Variants in GRIA1 observed in about 807,000 individuals in gnomAD.
GRIA1 encodes the protein glutamate receptor 1.
In GRIA1, 31 loss-of-function variants were observed where a neutral mutation model predicts 99.2. The ratio of observed to expected loss-of-function variants is 0.31; its 90% CI spans 0.23 to 0.42. GRIA1 has a LOEUF of 0.42. Ranked by LOEUF, GRIA1 falls within the 10% of genes least tolerant of loss-of-function variation. GRIA1 has a pLI of 1.00. For synonymous variants in GRIA1, 438 were observed against 432.4 expected (o/e 1.01, Z -0.16); for missense variants, 782 against 1,157.5 (o/e 0.68, Z 4.71).
intron 12 of GRIA1, among the ~76,000 whole-genome samples, chr5:153,769,499 T>C (rs1763736275): frequency 6.6e-6 from 1 of 151,940 alleles, no homozygotes; most frequent in Non-Finnish European, 1.5e-5. Flanking sequence ...AGCAAAGTCC[T>C]GAAGGGGAGA....
chr5:153,637,989 T>C (rs1753503938), intron 2 of GRIA1, among the ~76,000 whole-genome samples: 2 of 152,126 alleles, frequency 1.3e-5, no homozygotes. Context: ...AAGGCATAAA[T>C]ACACAAAAAG....
At chr5:153,753,615 C>T (rs1762631655) in intron 11 of GRIA1, among the ~76,000 whole-genome samples, 1 of 151,954 alleles carries the variant, frequency 6.6e-6, no homozygotes, top group Admixed American at 6.6e-5. Context: ...TCCTATTTCT[C>T]CCATCCATTT....
At chr5:153,499,893 C>T (rs548027887) in intron 2 of GRIA1, among the ~76,000 whole-genome samples, 7 of 152,266 alleles carry the variant, frequency 4.6e-5, no homozygotes, top group Admixed American at 3.3e-4. Flanking sequence ...CGCCTCCCCT[C>T]AACCACTGCT....
intron 4 of GRIA1, among the ~76,000 whole-genome samples, chr5:153,655,102 C>T (rs1230845974): frequency 1.3e-5 from 2 of 152,170 alleles, no homozygotes; most frequent in Non-Finnish European, 2.9e-5. Flanking sequence ...ATACTGCCAC[C>T]AGGCTACTAT....
rs1244854271 is a variant in GRIA1, at chr5:153,606,526, GAGCAT to G, written c.221-40399_221-40395del. On this transcript the variant is annotated intron_variant, in intron 2 of 15. Transcript: ENST00000285900. Reference sequence around the variant, plus strand: ...TACAATATTGAGTCTTCAAATCCCAGAGCATAGTATATTGCTTCAATTATTAAGAT... The same window carrying G: ...TACAATATTGAGTCTTCAAATCCCAGAGTATATTGCTTCAATTATTAAGAT... Among the ~76,000 whole-genome samples the G allele has an allele frequency of 3.9e-5, 6 of 152,094 alleles. No individual in the cohort carries two copies. The East Asian group carries it at 1.2e-3, about 29-fold the overall frequency.
chr5:153,626,520 C>T (rs1205202400), intron 2 of GRIA1, among the ~76,000 whole-genome samples: 1 of 150,768 alleles, frequency 6.6e-6, no homozygotes. Flanking sequence ...AATGCCAGCA[C>T]AATTCTCATC....
At chr5:153,509,412 T>C (rs1442188173) in intron 2 of GRIA1, among the ~76,000 whole-genome samples, 1 of 152,208 alleles carries the variant, frequency 6.6e-6, no homozygotes, top group East Asian at 1.9e-4. Context: ...CTCCCTCAAT[T>C]GCAGCTGATT....
rs759117420 is a variant in GRIA1 at position 153,698,985 on chromosome 5, G to T, written c.1364G>T (p.Arg455Leu). Reference protein sequence around the residue: ...EIAKHVGYSYRLEIVSDGKYG... With the variant: ...EIAKHVGYSYLLEIVSDGKYG... Reference sequence around the variant, plus strand: ...GCCAAGCACGTGGGCTACTCCTACCGTCTGGAGATTGTCAGTGATGGAAAA... The same window carrying T: ...GCCAAGCACGTGGGCTACTCCTACCTTCTGGAGATTGTCAGTGATGGAAAA... The change falls in exon 10 of 16, where the codon CGT becomes CTT. Residue 455 changes from arginine to leucine, a missense_variant. Physicochemically the swap from Arg to Leu is moderately radical, Grantham distance 102 (BLOSUM62 -2). Coordinates refer to ENST00000285900, the MANE Select transcript of GRIA1 (RefSeq NM_000827.4). 3 of 1,613,770 alleles carry T rather than the reference G, an allele frequency of 1.9e-6. No individual in the cohort carries two copies. The Admixed American group carries it at 5.0e-5, about 27-fold the overall frequency.
chr5:153,549,068 T>C (rs1453656416), intron 2 of GRIA1, among the ~76,000 whole-genome samples: 1 of 152,176 alleles, frequency 6.6e-6, no homozygotes, highest in Non-Finnish European at 1.5e-5. Context: ...AGAAGTGAGA[T>C]ATTTAGGTAG....
At chr5:153,744,175 G>A (rs1474346701) in intron 11 of GRIA1, among the ~76,000 whole-genome samples, 2 of 152,110 alleles carry the variant, frequency 1.3e-5, no homozygotes, top group African/African-American at 4.8e-5. Flanking sequence ...AGAAAAAGGG[G>A]GAGAGATACA....
chr5:153,691,126 G>A (rs1757716834), intron 8 of GRIA1, among the ~76,000 whole-genome samples: 1 of 152,136 alleles, frequency 6.6e-6, no homozygotes, highest in South Asian at 2.1e-4. Flanking sequence ...GGTGTTCTAA[G>A]CATCCATTCA....
chr5:153,593,589 CTTTG>C (rs1018746228), intron 2 of GRIA1, among the ~76,000 whole-genome samples: 20 of 152,130 alleles, frequency 1.3e-4, no homozygotes, highest in African/African-American at 2.2e-4. Flanking sequence ...TGCTTGCTTG[CTTTG>C]TTTATTTTAT....
At chr5:153,555,743 T>C (rs2149346466) in intron 2 of GRIA1, among the ~76,000 whole-genome samples, 1 of 152,292 alleles carries the variant, frequency 6.6e-6, no homozygotes, top group African/African-American at 2.4e-5. Context: ...TTTCAGTCAG[T>C]CTGACAGACT....
chr5:153,743,823 A>C (rs991957406), intron 11 of GRIA1, among the ~76,000 whole-genome samples: 2 of 152,206 alleles, frequency 1.3e-5, no homozygotes, highest in Admixed American at 6.5e-5. Flanking sequence ...CAGGGGGCAG[A>C]GGTCATGGGG....
intron 2 of GRIA1, among the ~76,000 whole-genome samples, chr5:153,569,650 G>A (rs79062119): frequency 0.025 from 3,766 of 152,300 alleles, 94 homozygotes; most frequent in African/African-American, 0.059. Context: ...TCTTTCTTAA[G>A]GTTGTTGGCA....
chr5:153,526,333 A>G (rs1298313495), intron 2 of GRIA1, among the ~76,000 whole-genome samples: 7 of 152,226 alleles, frequency 4.6e-5, no homozygotes, highest in Non-Finnish European at 8.8e-5. Context: ...ACTGCAGCAT[A>G]TCAGCAAAAT....
chr5:153,683,828 G>T (rs1210746878), intron 7 of GRIA1, among the ~76,000 whole-genome samples: 1 of 152,120 alleles, frequency 6.6e-6, no homozygotes, highest in African/African-American at 2.4e-5. Flanking sequence ...CAGACAATGT[G>T]CTAAGTACTT....
rs1256230718 is a variant in GRIA1 at position 153,572,091 on chromosome 5, AT to A, written c.221-74836del. Among the ~76,000 whole-genome samples, 7 of 152,236 alleles carry A rather than the reference AT, an allele frequency of 4.6e-5. No individual in the cohort carries two copies. In the South Asian group the frequency reaches 1.0e-3, roughly 23 times the overall value. ...GTTGTCTAATATATTTCATCAGAGA[AT>A]GGTTGTGTAATATACGATTGTTTAA... On this transcript the variant is annotated intron_variant, in intron 2 of 15. Coordinates refer to ENST00000285900, the MANE Select transcript of GRIA1 (RefSeq NM_000827.4).
At chr5:153,742,420 A>ATCTT (rs1407594564) in intron 11 of GRIA1, among the ~76,000 whole-genome samples, 5 of 152,206 alleles carry the variant, frequency 3.3e-5, no homozygotes, top group Non-Finnish European at 7.3e-5. Flanking sequence ...CAGAACTTAA[A>ATCTT]TCTTACAGCG....
Sources: gnomAD v4.1 joint callset for allele counts (sites outside exome capture counted in the v4.1 genomes callset) on GRCh38, gnomAD v4.1.1 for gene constraint, MANE v1.5 for transcripts, NCBI Gene and HGNC (gene_info 2026-07-23, HGNC 2026-07-21) for gene names.